The following FHIT variants were observed in gnomAD, a reference collection of about 807,000 sequenced individuals.
FHIT encodes the protein bis(5'-adenosyl)-triphosphatase.
In FHIT, 19 loss-of-function variants were observed where a neutral mutation model predicts 17.9. The observed-to-expected ratio is 1.06, with a 90% CI of 0.74 to 1.56. FHIT has a LOEUF of 1.56. Among genes scored for constraint, FHIT ranks in the 40% most tolerant of loss-of-function variants. FHIT has a pLI of 0.00. For synonymous variants in FHIT, 81 were observed against 69.7 expected (o/e 1.16, Z -0.81); for missense variants, 248 against 189.2 (o/e 1.31, Z -1.82).
At chr3:61,093,545 A>G (rs1175617701) in intron 2 of FHIT, among the ~76,000 whole-genome samples, 1 of 152,228 alleles carries the variant, frequency 6.6e-6, no homozygotes, top group Non-Finnish European at 1.5e-5. Flanking sequence ...AAGCAATGTG[A>G]TGTAATGCAG....
intron 5 of FHIT, among the ~76,000 whole-genome samples, chr3:60,134,435 T>C (rs887562316): frequency 2.0e-5 from 3 of 152,214 alleles, no homozygotes; most frequent in Admixed American, 6.5e-5. Flanking sequence ...TCCAATAAGC[T>C]TTTTTAAAAA....
At chr3:60,640,427 G>A (rs569929959) in intron 4 of FHIT, among the ~76,000 whole-genome samples, 3 of 152,158 alleles carry the variant, frequency 2.0e-5, no homozygotes, top group African/African-American at 7.2e-5. Context: ...ATATCTTGCA[G>A]AGCAGGTGTT....
At chr3:59,918,248 A>T (rs141797150) in intron 8 of FHIT, among the ~76,000 whole-genome samples, 180 of 152,328 alleles carry the variant, frequency 1.2e-3, no homozygotes, top group African/African-American at 4.2e-3. Context: ...TTCATTTTCA[A>T]ATATTCACTG....
intron 3 of FHIT, among the ~76,000 whole-genome samples, chr3:60,882,840 A>G (rs1181453877): frequency 6.6e-6 from 1 of 152,156 alleles, no homozygotes; most frequent in Non-Finnish European, 1.5e-5. Flanking sequence ...CTGTTATTCA[A>G]CATAACATTG....
intron 4 of FHIT, among the ~76,000 whole-genome samples, chr3:60,698,410 G>A (rs1037476470): frequency 1.3e-5 from 2 of 152,060 alleles, no homozygotes; most frequent in African/African-American, 2.4e-5. Context: ...AAAGGTGTGC[G>A]GCTTCTGAGA....
At chr3:61,220,959 A>G (rs2039819977) in intron 1 of FHIT, among the ~76,000 whole-genome samples, 1 of 152,234 alleles carries the variant, frequency 6.6e-6, no homozygotes, top group Non-Finnish European at 1.5e-5. Context: ...TTTGCCATGC[A>G]TCAGAAAAAT....
chr3:60,461,002 A>G (rs1182046886), intron 5 of FHIT, among the ~76,000 whole-genome samples: 1 of 152,220 alleles, frequency 6.6e-6, no homozygotes, highest in Non-Finnish European at 1.5e-5. Context: ...AAATAACAAA[A>G]GAGAATACCA....
intron 3 of FHIT, among the ~76,000 whole-genome samples, chr3:60,985,269 C>T (rs1349775583): frequency 6.6e-6 from 1 of 152,084 alleles, no homozygotes; most frequent in South Asian, 2.1e-4. Flanking sequence ...TACTTCTGGA[C>T]CCTTGCACAA....
At chr3:60,841,325 G>C (rs1418389515) in intron 3 of FHIT, among the ~76,000 whole-genome samples, 2 of 152,128 alleles carry the variant, frequency 1.3e-5, no homozygotes, top group Non-Finnish European at 2.9e-5. Flanking sequence ...ACCCATCCTT[G>C]TTGTCTTTTA....
rs534883797 is a variant in FHIT, at chr3:60,752,407, G to A, written c.-18+69512C>T. On this transcript the variant is annotated intron_variant, in intron 4 of 9. Coordinates refer to ENST00000492590, the MANE Select transcript of FHIT (RefSeq NM_002012.4). ...ATTCGATTTTTCACAGGGAGCTCAT[G>A]AAACTAAGGCTTCTGTGCAGCAGCA... is the stretch of plus-strand genomic sequence containing the variant. Among the ~76,000 whole-genome samples, 21 of 152,318 alleles carry A rather than the reference G, an allele frequency of 1.4e-4. No individual in the cohort carries two copies. In the South Asian group the frequency reaches 3.9e-3, roughly 29 times the overall value.
intron 4 of FHIT, among the ~76,000 whole-genome samples, chr3:60,762,749 C>T (rs1007126918): frequency 1.3e-5 from 2 of 152,014 alleles, no homozygotes; most frequent in Admixed American, 6.6e-5. Flanking sequence ...GAGTGGGCCT[C>T]ATTCAATTAG....
intron 4 of FHIT, among the ~76,000 whole-genome samples, chr3:60,589,592 G>A (rs2038016196): frequency 6.6e-6 from 1 of 151,996 alleles, no homozygotes; most frequent in African/African-American, 2.4e-5. Context: ...ATATGGCTTT[G>A]TCCACGTCGG....
At chr3:60,750,859 A>C (rs1314446501) in intron 4 of FHIT, among the ~76,000 whole-genome samples, 4 of 152,184 alleles carry the variant, frequency 2.6e-5, no homozygotes, top group Non-Finnish European at 5.9e-5. Context: ...GCCAGCCTGC[A>C]GAATTATTCA....
chr3:60,523,001 C>T (rs577919476), intron 5 of FHIT, among the ~76,000 whole-genome samples: 69 of 152,158 alleles, frequency 4.5e-4, no homozygotes, highest in Middle Eastern at 6.8e-3. Context: ...ACATCTTACA[C>T]GGCAGCAGGC....
In FHIT at chr3:59,749,030, C is replaced by T. The variant is rs769068767; in HGVS notation, c.*555G>A. Among the ~76,000 whole-genome samples the T allele has an allele frequency of 3.9e-5, 6 of 152,070 alleles. No individual in the cohort carries two copies. The highest frequency in any genetic ancestry group is 2.1e-4 in the South Asian group (1 of 4,820). On this transcript the variant is annotated 3_prime_UTR_variant, in exon 10 of 10. Coordinates refer to ENST00000492590, the MANE Select transcript of FHIT (RefSeq NM_002012.4). ...TAGCTTGCTGCTGAGGGAATAATCA[C>T]GAAAGCTGGAGAAGGCCAAGTCTAT... is the stretch of plus-strand genomic sequence containing the variant.
chr3:60,538,184 T>G (rs2036056378), intron 4 of FHIT, among the ~76,000 whole-genome samples: 1 of 152,152 alleles, frequency 6.6e-6, no homozygotes, highest in Non-Finnish European at 1.5e-5. Flanking sequence ...GAACTCCCAT[T>G]CACAATTGCT....
chr3:60,425,213 C>G (rs913401135), intron 5 of FHIT, among the ~76,000 whole-genome samples: 3 of 152,162 alleles, frequency 2.0e-5, no homozygotes, highest in African/African-American at 7.2e-5. Context: ...GAATACAGGG[C>G]TGACTATTCA....
At chr3:60,783,416 C>G (rs1553726152) in intron 4 of FHIT, among the ~76,000 whole-genome samples, 1 of 152,114 alleles carries the variant, frequency 6.6e-6, no homozygotes. Flanking sequence ...CAGATGCCCA[C>G]AAAGGAGATA....
intron 2 of FHIT, among the ~76,000 whole-genome samples, chr3:61,171,178 G>A (rs535999701): frequency 6.6e-6 from 1 of 152,230 alleles, no homozygotes; most frequent in South Asian, 2.1e-4. Context: ...TCATTGCGGT[G>A]TTGATTTGCA....
Sources: allele counts gnomAD v4.1 joint callset (sites outside exome capture counted in the v4.1 genomes callset), GRCh38; gene constraint gnomAD v4.1.1; transcripts MANE v1.5; gene names NCBI Gene and HGNC (gene_info 2026-07-23, HGNC 2026-07-21).